LSAMP: variants seen among roughly 807,000 people sequenced by gnomAD.
LSAMP encodes the protein limbic system-associated membrane protein.
Under a neutral mutation model 38.6 loss-of-function variants are expected in LSAMP, and 7 were observed. The observed-to-expected ratio is 0.18, with a 90% CI of 0.10 to 0.34. The LOEUF is 0.34. Ranked by LOEUF, LSAMP falls within the 10% of genes least tolerant of loss-of-function variation. LSAMP has a pLI of 1.00. For missense variants in LSAMP, 313 were observed against 420.0 expected, an observed-to-expected ratio of 0.75 and a Z score of 2.23; for synonymous variants, 154 against 166.8, an observed-to-expected ratio of 0.92 and a Z score of 0.59.
At chr3:116,063,939 T>G (rs1004215756) in intron 2 of LSAMP, among the ~76,000 whole-genome samples, 4 of 152,220 alleles carry the variant, frequency 2.6e-5, no homozygotes, top group Admixed American at 2.0e-4. Context: ...AAACCACTGT[T>G]ACTTGCTTTT....
chr3:115,850,736 T>C (rs1437111025), intron 4 of LSAMP, among the ~76,000 whole-genome samples: 1 of 152,198 alleles, frequency 6.6e-6, no homozygotes, highest in East Asian at 1.9e-4. Context: ...CATTTGTTTC[T>C]ATTAGATTCC....
intron 1 of LSAMP, among the ~76,000 whole-genome samples, chr3:116,259,222 G>T (rs180829369): frequency 5.9e-5 from 9 of 152,184 alleles, no homozygotes; most frequent in Non-Finnish European, 1.2e-4. Flanking sequence ...ATGCCAAACT[G>T]ATCTTACCAA....
intron 1 of LSAMP, among the ~76,000 whole-genome samples, chr3:116,271,426 G>T (rs1430209487): frequency 1.3e-5 from 2 of 151,964 alleles, no homozygotes; most frequent in South Asian, 2.1e-4. Flanking sequence ...AAGATGGGAT[G>T]AGAGAAATAA....
At chr3:116,334,251 C>A (rs960076910) in intron 1 of LSAMP, among the ~76,000 whole-genome samples, 2 of 151,994 alleles carry the variant, frequency 1.3e-5, no homozygotes, top group Non-Finnish European at 2.9e-5. Flanking sequence ...AGTTAGTAAT[C>A]AAAAATCTTC....
intron 1 of LSAMP, among the ~76,000 whole-genome samples, chr3:116,400,759 G>C (rs2048829711): frequency 6.6e-6 from 1 of 152,062 alleles, no homozygotes. Context: ...ATTACAGCGT[G>C]AGCCACCACT....
intron 6 of LSAMP, among the ~76,000 whole-genome samples, chr3:115,827,773 C>T (rs1426158805): frequency 6.6e-6 from 1 of 152,154 alleles, no homozygotes; most frequent in African/African-American, 2.4e-5. Context: ...CTACTCCCAT[C>T]ATACATCTCA....
intron 1 of LSAMP, among the ~76,000 whole-genome samples, chr3:116,387,186 T>C (rs2048636815): frequency 6.6e-6 from 1 of 152,098 alleles, no homozygotes; most frequent in South Asian, 2.1e-4. Context: ...GGAAAATTAA[T>C]CAGGGTCTGG....
intron 2 of LSAMP, among the ~76,000 whole-genome samples, chr3:116,053,588 T>G (rs952305759): frequency 1.6e-4 from 25 of 152,214 alleles, no homozygotes; most frequent in African/African-American, 6.0e-4. Flanking sequence ...GGCTAAGGAA[T>G]GCTTTGGGCA....
chr3:116,391,503 C>T (rs2048697064), intron 1 of LSAMP, among the ~76,000 whole-genome samples: 1 of 152,172 alleles, frequency 6.6e-6, no homozygotes, highest in Admixed American at 6.5e-5. Flanking sequence ...CTGGAGCCCA[C>T]CACCCTGGGG....
chr3:115,999,329 C>G (rs1181948255), intron 3 of LSAMP, among the ~76,000 whole-genome samples: 5 of 152,186 alleles, frequency 3.3e-5, no homozygotes, highest in African/African-American at 9.6e-5. Context: ...ATTCTCCTCT[C>G]TGGCTACCCT....
At position 116,080,864 on chromosome 3, in the gene LSAMP, TA is replaced by T. The variant is rs1157593649; in HGVS notation, c.388+5459del. ...CAATTCTTATTTTATTAGAATGCCT[TA>T]AAATTTAAAAAGGAGCTATAGGCTA... On this transcript the variant is annotated intron_variant, in intron 2 of 6. Transcript: ENST00000490035. Among the ~76,000 whole-genome samples, 7 of 152,300 alleles carry T rather than the reference TA, an allele frequency of 4.6e-5. No homozygotes were observed. In the East Asian group the frequency reaches 1.4e-3, roughly 29 times the overall value.
At chr3:116,250,874 A>T (rs2046672388) in intron 1 of LSAMP, among the ~76,000 whole-genome samples, 1 of 152,138 alleles carries the variant, frequency 6.6e-6, no homozygotes. Flanking sequence ...GTCTCAAAAG[A>T]AAAGGGAGTG....
At chr3:116,384,494 G>A (rs1203519573) in intron 1 of LSAMP, among the ~76,000 whole-genome samples, 6 of 152,132 alleles carry the variant, frequency 3.9e-5, no homozygotes, top group Admixed American at 3.3e-4. Context: ...TGCTCACAGA[G>A]TGAGTCTGCA....
intron 1 of LSAMP, among the ~76,000 whole-genome samples, chr3:116,234,443 C>T (rs979851627): frequency 6.6e-6 from 1 of 151,720 alleles, no homozygotes; most frequent in Non-Finnish European, 1.5e-5. Flanking sequence ...ATTCATTCAT[C>T]TATTTATGAA....
At chr3:115,901,926 A>G (rs1211279166) in intron 3 of LSAMP, among the ~76,000 whole-genome samples, 4 of 152,156 alleles carry the variant, frequency 2.6e-5, no homozygotes, top group African/African-American at 4.8e-5. Context: ...ATCTACAGAT[A>G]ACTATTTCTG....
At chr3:116,428,705 C>A (rs1002572951) in intron 1 of LSAMP, among the ~76,000 whole-genome samples, 27 of 152,112 alleles carry the variant, frequency 1.8e-4, no homozygotes, top group Admixed American at 1.7e-3. Context: ...AAGCTTTTCT[C>A]TTGGGACTAA....
At chr3:116,294,072 GTAA>G (rs1312351229) in intron 1 of LSAMP, among the ~76,000 whole-genome samples, 1 of 152,062 alleles carries the variant, frequency 6.6e-6, no homozygotes, top group Non-Finnish European at 1.5e-5. Flanking sequence ...GATAGAATGT[GTAA>G]TAATGATGAT....
chr3:116,303,174 G>A (rs774903209), intron 1 of LSAMP, among the ~76,000 whole-genome samples: 4 of 152,144 alleles, frequency 2.6e-5, no homozygotes, highest in Admixed American at 6.6e-5. Flanking sequence ...AATAGTAACC[G>A]AAATGTCAAG....
intron 1 of LSAMP, among the ~76,000 whole-genome samples, chr3:116,325,968 G>T (rs1372461482): frequency 6.6e-6 from 1 of 152,084 alleles, no homozygotes; most frequent in East Asian, 1.9e-4. Context: ...TTTTCCCCAT[G>T]GTTCTCTTTT....
Sources: allele counts gnomAD v4.1 joint callset (sites outside exome capture counted in the v4.1 genomes callset), GRCh38; gene constraint gnomAD v4.1.1; transcripts MANE v1.5; gene names NCBI Gene and HGNC (gene_info 2026-07-23, HGNC 2026-07-21).